G2E3: variants seen among roughly 807,000 people sequenced by gnomAD.
G2E3 encodes the protein G2/M phase-specific E3 ubiquitin-protein ligase.
A neutral mutation model predicts 92.8 loss-of-function variants in G2E3; 35 were observed. That is an observed-to-expected ratio of 0.38 (90% confidence interval 0.29 to 0.50). The LOEUF is 0.50. Ranked by LOEUF, G2E3 falls within the 20% of genes least tolerant of loss-of-function variation. The probability of loss-of-function intolerance (pLI) is 0.94; values close to 1 mark genes in which losing one functional copy is unlikely to be tolerated. For synonymous variants in G2E3, 242 were observed against 272.4 expected (o/e 0.89, Z 1.10); for missense variants, 554 against 823.8 (o/e 0.67, Z 4.01).
chr14:30,602,413 A>G (rs1431590591), intron 10 of G2E3, among the ~76,000 whole-genome samples: 1 of 151,690 alleles, frequency 6.6e-6, no homozygotes, highest in Non-Finnish European at 1.5e-5. Flanking sequence ...TATCCTAATT[A>G]TTTTTTTGTG....
intron 1 of G2E3, among the ~76,000 whole-genome samples, chr14:30,564,315 GA>G (rs1879301831): frequency 6.6e-6 from 1 of 151,762 alleles, no homozygotes; most frequent in Non-Finnish European, 1.5e-5. Context: ...ACCTTTTTTT[GA>G]GGTAAAATTC....
At chr14:30,578,088 G>A (rs542100341) in intron 1 of G2E3, among the ~76,000 whole-genome samples, 7 of 152,014 alleles carry the variant, frequency 4.6e-5, no homozygotes, top group Admixed American at 4.6e-4. Context: ...TGAAATATGT[G>A]AATAGTACTT....
intron 4 of G2E3, chr14:30,591,002 G>C (rs1279475860): frequency 9.4e-6 from 2 of 212,544 alleles, no homozygotes. Flanking sequence ...CATTTCCTTT[G>C]AGCATCATGT....
At chr14:30,598,096 T>C (rs1178507403) in intron 7 of G2E3, 1 of 172,870 alleles carries the variant, frequency 5.8e-6, no homozygotes, top group East Asian at 1.5e-4. Context: ...AGTTTTTATT[T>C]TAGGCCAGGC....
At chr14:30,608,391 C>T (rs1403879742) in intron 12 of G2E3, among the ~76,000 whole-genome samples, 2 of 152,212 alleles carry the variant, frequency 1.3e-5, no homozygotes, top group African/African-American at 2.4e-5. Context: ...AGGCAGATTC[C>T]CTATTGCAAG....
chr14:30,611,972 A>G, intron 12 of G2E3: 1 of 353,094 alleles, frequency 2.8e-6, no homozygotes, highest in South Asian at 4.2e-5. Context: ...CCTTTTTTAT[A>G]AATAGTTTCA....
chr14:30,606,531 G>T (rs921823157), intron 11 of G2E3, among the ~76,000 whole-genome samples: 5 of 152,094 alleles, frequency 3.3e-5, no homozygotes, highest in South Asian at 4.1e-4. Flanking sequence ...AAAATAAAAT[G>T]TAAAAATAAA....
chr14:30,584,087 T>C (rs985725035), intron 2 of G2E3, among the ~76,000 whole-genome samples: 24 of 152,348 alleles, frequency 1.6e-4, no homozygotes, highest in African/African-American at 5.5e-4. Flanking sequence ...GATTTACTTA[T>C]GTTGGATAAA....
chr14:30,575,950 A>G (rs1369713169), intron 1 of G2E3, among the ~76,000 whole-genome samples: 2 of 152,226 alleles, frequency 1.3e-5, no homozygotes. Context: ...TGCCCAAAAC[A>G]ATTTACAGAT....
At chr14:30,608,458 G>A (rs1881934452) in intron 12 of G2E3, among the ~76,000 whole-genome samples, 1 of 152,194 alleles carries the variant, frequency 6.6e-6, no homozygotes, top group Non-Finnish European at 1.5e-5. Context: ...AAGAGAGGAA[G>A]GATTTGGCTT....
chr14:30,616,551 A>G lies in G2E3; in HGVS notation c.*17A>G. 6.5e-7 allele frequency: 1 copy of G among 1,549,578 alleles called. No homozygotes were observed. The highest frequency in any genetic ancestry group is 1.2e-5 in the South Asian group (1 of 83,448). On this transcript the variant is annotated 3_prime_UTR_variant, in exon 15 of 15. Transcript: ENST00000206595. The stretch of plus-strand genomic sequence containing the variant: ...GGACATTAAAATGTTTCCTTGAACA[A>G]AGAGAAGCTTCTTTAAAAGCTGCTA...
At chr14:30,567,978 G>A (rs558554578) in intron 1 of G2E3, among the ~76,000 whole-genome samples, 4 of 152,112 alleles carry the variant, frequency 2.6e-5, no homozygotes, top group Admixed American at 6.5e-5. Context: ...ATTGTTCCAC[G>A]TGCATTTGAG....
chr14:30,596,142 GT>G (rs1881278815), intron 6 of G2E3, among the ~76,000 whole-genome samples: 1 of 136,112 alleles, frequency 7.3e-6, no homozygotes, highest in Non-Finnish European at 1.6e-5. Context: ...GTGCGTGTGT[GT>G]GTGTGTGTGT....
intron 3 of G2E3, among the ~76,000 whole-genome samples, chr14:30,587,491 A>C (rs1880775309): frequency 6.6e-6 from 1 of 152,186 alleles, no homozygotes; most frequent in Admixed American, 6.5e-5. Flanking sequence ...TTATTCTGAA[A>C]TTTAGCAGAT....
At position 30,608,039 on chromosome 14, in the gene G2E3, A is replaced by G. The variant is rs766228260; in HGVS notation, c.1470A>G (p.Ser490=). 43 of 1,595,182 alleles carry G rather than the reference A, an allele frequency of 2.7e-5. No homozygotes were observed. The Middle Eastern group carries it at 6.7e-4, about 25-fold the overall frequency. The change falls in exon 12 of 15, where the codon TCA becomes TCG. Residue 490 remains serine (S), a synonymous_variant. Transcript: ENST00000206595. ...CCCAGCCAATTTTAGATGATGTTTC[A>G]GACTTTGATGTGGCACAGATTATAA... The part of the protein sequence containing the change: ...ENTQPILDDV[S]DFDVAQIIIR...
chr14:30,595,804 C>T (rs1007940766), intron 6 of G2E3, among the ~76,000 whole-genome samples: 1 of 152,042 alleles, frequency 6.6e-6, no homozygotes, highest in African/African-American at 2.4e-5. Context: ...TATTTGTAAC[C>T]ACTACAAATA....
chr14:30,561,641 T>C (rs1317147528), intron 1 of G2E3, among the ~76,000 whole-genome samples: 1 of 152,222 alleles, frequency 6.6e-6, no homozygotes, highest in African/African-American at 2.4e-5. Context: ...TTTACTCAAA[T>C]GGGTTTAAAG....
chr14:30,613,606 T>A (rs928237037), intron 13 of G2E3, among the ~76,000 whole-genome samples: 1 of 152,182 alleles, frequency 6.6e-6, no homozygotes, highest in East Asian at 1.9e-4. Context: ...CTAGAGATTC[T>A]TAGTTTTGGT....
At chr14:30,601,679 G>C in intron 8 of G2E3, 91 bp from the exon 9 acceptor site, 2 of 1,201,582 alleles carry the variant, frequency 1.7e-6, no homozygotes, top group South Asian at 2.5e-5. Context: ...GTGCGTGTTT[G>C]TGTGTAAGAA....
Sources: allele counts gnomAD v4.1 joint callset (sites outside exome capture counted in the v4.1 genomes callset), GRCh38; gene constraint gnomAD v4.1.1; transcripts MANE v1.5; gene names NCBI Gene and HGNC (gene_info 2026-07-23, HGNC 2026-07-21).